UBE2K: variants seen among roughly 807,000 people sequenced by gnomAD.
UBE2K encodes the protein ubiquitin-conjugating enzyme E2 K.
Under a neutral mutation model 30.0 loss-of-function variants are expected in UBE2K, and 6 were observed. The ratio of observed to expected loss-of-function variants is 0.20; its 90% CI spans 0.11 to 0.39. UBE2K has a LOEUF of 0.39. Ranked by LOEUF, UBE2K falls within the 10% of genes least tolerant of loss-of-function variation. The probability of loss-of-function intolerance (pLI) is 1.00; values close to 1 mark genes in which losing one functional copy is unlikely to be tolerated. For missense variants in UBE2K, 61 were observed against 241.6 expected, an observed-to-expected ratio of 0.25 and a Z score of 4.96; for synonymous variants, 86 against 83.7, an observed-to-expected ratio of 1.03 and a Z score of -0.15.
chr4:39,760,935 TA>T (rs1183393140), intron 4 of UBE2K: 51 of 152,144 alleles, frequency 3.4e-4, no homozygotes, highest in African/African-American at 1.2e-3. Flanking sequence ...TATACAGATA[TA>T]AAAATTCATC....
chr4:39,773,424 C>T (rs1316708040), intron 4 of UBE2K, among the ~76,000 whole-genome samples: 1 of 151,760 alleles, frequency 6.6e-6, no homozygotes, highest in East Asian at 2.0e-4. Flanking sequence ...GCCGAGATCG[C>T]GCCACTGCAC....
intron 1 of UBE2K, among the ~76,000 whole-genome samples, chr4:39,707,244 A>T (rs1186882226): frequency 6.7e-6 from 1 of 148,592 alleles, no homozygotes; most frequent in Non-Finnish European, 1.5e-5. Context: ...ATGGAATCTC[A>T]CTCTCTCACC....
intron 1 of UBE2K, among the ~76,000 whole-genome samples, chr4:39,704,020 A>C (rs1342802294): frequency 1.3e-5 from 2 of 152,022 alleles, no homozygotes; most frequent in African/African-American, 4.8e-5. Flanking sequence ...TTTCTTTTAA[A>C]ATTTCTCGCT....
intron 1 of UBE2K, among the ~76,000 whole-genome samples, chr4:39,720,333 T>A (rs891224130): frequency 1.3e-5 from 2 of 151,958 alleles, no homozygotes; most frequent in African/African-American, 2.4e-5. Context: ...TTTTTTTTTT[T>A]TCTGTAGTTT....
chr4:39,729,124 A>C lies in UBE2K; in HGVS notation c.64-8296A>C, dbSNP rs192409858. On this transcript the variant is annotated intron_variant, in intron 1 of 6. Transcript: ENST00000261427. ...GCTGGGATTACAGGCACGCACCACC[A>C]TGCCCCCAGCTAATTTTTGTATTTT... 4.9e-4 allele frequency among the ~76,000 whole-genome samples: 74 copies of C among 150,834 alleles called. No homozygotes were observed. The East Asian group carries it at 0.011, about 22-fold the overall frequency.
intron 3 of UBE2K, among the ~76,000 whole-genome samples, chr4:39,753,415 A>G (rs1421059994): frequency 1.3e-5 from 2 of 152,204 alleles, no homozygotes; most frequent in African/African-American, 2.4e-5. Context: ...CTTAGCTTGC[A>G]TTGTATTTGA....
chr4:39,744,700 A>G (rs1200719852), intron 2 of UBE2K, among the ~76,000 whole-genome samples: 1 of 150,498 alleles, frequency 6.6e-6, no homozygotes, highest in African/African-American at 2.4e-5. Context: ...AGGTCAGGAG[A>G]TCGAGACCAT....
chr4:39,714,354 TA>T (rs1718886953), intron 1 of UBE2K: 1 of 182,834 alleles, frequency 5.5e-6, no homozygotes, highest in South Asian at 1.3e-4. Flanking sequence ...CCTCAAGGAT[TA>T]TGTCATGCAC....
rs1720442924 is a variant in UBE2K, at chr4:39,737,532, A to G, written c.157+19A>G. 2.0e-6 allele frequency: 3 copies of G among 1,468,676 alleles called. No individual in the cohort carries two copies. The highest frequency in any genetic ancestry group is 2.9e-5 in the African/African-American group (2 of 69,554). 91.0% of individuals were successfully genotyped at this position (1,468,676 alleles called of 1,614,324 possible). A position where few individuals can be genotyped will look rare whatever the true frequency, so the allele number is the denominator to read the frequency against. On this transcript the variant is annotated intron_variant, in intron 2 of 6. Coordinates refer to ENST00000261427, the MANE Select transcript of UBE2K (RefSeq NM_005339.5). ...TATGAAGGCAAGTACTTTTTTCTGT[A>G]TCAAAATATTGTGCGTATTAGAACT...
At chr4:39,702,683 A>G (rs539788617) in intron 1 of UBE2K, among the ~76,000 whole-genome samples, 1 of 152,268 alleles carries the variant, frequency 6.6e-6, no homozygotes, top group African/African-American at 2.4e-5. Flanking sequence ...TTTTCCTTTA[A>G]AATTTTAATG....
rs116861465 is a variant in UBE2K, at chr4:39,765,513, G to A, written c.300-9321G>A. Among the ~76,000 whole-genome samples, 116 of 152,108 alleles carry A rather than the reference G, an allele frequency of 7.6e-4. 1 individual carries two copies. The East Asian group carries it at 0.019, about 25-fold the overall frequency. ...CCACTGCATTCCAGCCTAAGTGACC[G>A]TGAGACCCTGTCTCAAATAAGCAGG... On this transcript the variant is annotated intron_variant, in intron 4 of 6. Transcript: ENST00000261427.
intron 3 of UBE2K, among the ~76,000 whole-genome samples, chr4:39,751,699 G>T (rs555732869): frequency 6.6e-6 from 1 of 151,814 alleles, no homozygotes; most frequent in Admixed American, 6.6e-5. Context: ...AAGGCCACGC[G>T]CAGTGGCTCA....
chr4:39,758,642 C>T (rs1711653461), intron 4 of UBE2K, among the ~76,000 whole-genome samples: 1 of 151,822 alleles, frequency 6.6e-6, no homozygotes, highest in African/African-American at 2.4e-5. Flanking sequence ...CATGCCATTG[C>T]ACTCTAGCCT....
chr4:39,715,751 C>T (rs1321951984), intron 1 of UBE2K, among the ~76,000 whole-genome samples: 3 of 152,142 alleles, frequency 2.0e-5, no homozygotes, highest in Non-Finnish European at 1.5e-5. Context: ...AAGAAGTCTT[C>T]TCCTACTTTG....
intron 4 of UBE2K, among the ~76,000 whole-genome samples, chr4:39,768,165 G>A (rs1712471230): frequency 6.6e-6 from 1 of 151,898 alleles, no homozygotes; most frequent in Admixed American, 6.6e-5. Context: ...ACGGGCCATT[G>A]CGGTGTCTTA....
At chr4:39,759,281 TA>T (rs1711716491) in intron 4 of UBE2K, among the ~76,000 whole-genome samples, 1 of 152,162 alleles carries the variant, frequency 6.6e-6, no homozygotes, top group African/African-American at 2.4e-5. Flanking sequence ...TGTTTATTAT[TA>T]TTATTTTTTT....
chr4:39,747,648 G>A (rs1370097469), intron 3 of UBE2K, among the ~76,000 whole-genome samples: 2 of 152,024 alleles, frequency 1.3e-5, no homozygotes, highest in Non-Finnish European at 1.5e-5. Flanking sequence ...ATGGAGTCTT[G>A]CTCTGTCTCC....
chr4:39,698,903 A>G (rs1717853067), intron 1 of UBE2K, among the ~76,000 whole-genome samples: 1 of 152,214 alleles, frequency 6.6e-6, no homozygotes, highest in Non-Finnish European at 1.5e-5. Flanking sequence ...GGTATTGATT[A>G]AAAAGGAAGG....
At chr4:39,717,697 G>A (rs909551551) in intron 1 of UBE2K, among the ~76,000 whole-genome samples, 20 of 152,208 alleles carry the variant, frequency 1.3e-4, no homozygotes, top group African/African-American at 4.6e-4. Context: ...TGGTCTCACT[G>A]ACTTCAAGAA....
Sources: allele counts gnomAD v4.1 joint callset (sites outside exome capture counted in the v4.1 genomes callset), GRCh38; gene constraint gnomAD v4.1.1; transcripts MANE v1.5; gene names NCBI Gene and HGNC (gene_info 2026-07-23, HGNC 2026-07-21).